NEBL: variants seen among roughly 807,000 people sequenced by gnomAD.
NEBL encodes nebulette.
In NEBL, 122 loss-of-function variants were observed where a neutral mutation model predicts 140.2. The ratio of observed to expected loss-of-function variants is 0.87; its 90% confidence interval spans 0.75 to 1.01. NEBL has a LOEUF of 1.01. Ranked by LOEUF, NEBL falls within the 50% of genes least tolerant of loss-of-function variation. The pLI, the probability that NEBL is intolerant of heterozygous loss-of-function variation, is 0.00. For synonymous variants in NEBL, 436 were observed against 398.9 expected (o/e 1.09, Z -1.11); for missense variants, 1,365 against 1,231.3 (o/e 1.11, Z -1.62).
chr10:20,785,951 T>C, intron 27 of NEBL, 28 bp from the exon 28 acceptor site: 2 of 1,606,016 alleles, frequency 1.2e-6, no homozygotes, highest in Non-Finnish European at 1.7e-6. Flanking sequence ...GATTATACGA[T>C]GAATGCCGAA....
rs2130788291 is a variant in NEBL at position 20,812,913 on chromosome 10, T to C, written c.2374A>G (p.Thr792Ala). The C allele has an allele frequency of 6.2e-7, 1 of 1,613,926 alleles. No homozygotes were observed. Among genetic ancestry groups the C allele is most frequent in the South Asian group, 1.1e-5 (1 of 91,074 alleles). ...MVKYHEDFEK[T>A]KGRGFTPVVD... Reference sequence around the variant, plus strand: ...ACGGGAGTAAAGCCTCTCCCCTTTGTTTTTTCAAAATCTTCATGGTATTTT... The same window carrying C: ...ACGGGAGTAAAGCCTCTCCCCTTTGCTTTTTCAAAATCTTCATGGTATTTT... The change falls in exon 24 of 28, where the codon ACA becomes GCA. Residue 792 changes from threonine to alanine, a missense_variant. By Grantham distance (58) the Thr-to-Ala change is moderately conservative. This residue lies in a region of NEBL where 1,323 missense variants were observed against 1,154.8 expected (regional missense o/e 1.15). Coordinates refer to ENST00000377122, the MANE Select transcript of NEBL (RefSeq NM_006393.3).
At chr10:21,057,361 T>C (rs1167888011) in intron 2 of NEBL, among the ~76,000 whole-genome samples, 2 of 151,808 alleles carry the variant, frequency 1.3e-5, no homozygotes, top group Non-Finnish European at 1.5e-5. Flanking sequence ...AAGCAAGATG[T>C]GGAAAACAGG....
intron 2 of NEBL, among the ~76,000 whole-genome samples, chr10:21,081,199 C>G (rs2131935559): frequency 6.6e-6 from 1 of 152,146 alleles, no homozygotes; most frequent in East Asian, 1.9e-4. Context: ...CAACAAACTG[C>G]AATCATGACT....
intron 4 of NEBL, among the ~76,000 whole-genome samples, chr10:20,957,726 C>T (rs1365172906): frequency 2.0e-5 from 3 of 152,150 alleles, no homozygotes; most frequent in Non-Finnish European, 4.4e-5. Context: ...TAATGGTACA[C>T]TCACCATTTC....
Position 20,942,974 on chromosome 10 carries a change from C to G in NEBL, c.357+18698G>C, listed in dbSNP as rs536941815. Among the ~76,000 whole-genome samples, 1,279 of 152,278 alleles carry G rather than the reference C, an allele frequency of 8.4e-3. 17 individuals carry two copies. The highest frequency in any genetic ancestry group is 0.03 in the African/African-American group (1,228 of 41,548). On this transcript the variant is annotated intron_variant, in intron 4 of 6. Transcript: ENST00000417816. ...GAGAGGATGTGGAGAAATAGGAACA[C>G]TTTTACACTGTTGGTGGGACTGTAA...
chr10:21,257,795 G>C (rs1842679068), intron 1 of NEBL, among the ~76,000 whole-genome samples: 2 of 152,070 alleles, frequency 1.3e-5, no homozygotes, highest in South Asian at 4.1e-4. Flanking sequence ...TGAGGCAGGA[G>C]AATGGCGTGA....
chr10:21,221,095 A>G (rs1842059887), intron 3 of NEBL, among the ~76,000 whole-genome samples: 2 of 152,162 alleles, frequency 1.3e-5, no homozygotes, highest in African/African-American at 4.8e-5. Context: ...TGGAAGCTTC[A>G]GAGAGCTATA....
Position 20,956,238 on chromosome 10 carries a change from A to C in NEBL, c.357+5434T>G, listed in dbSNP as rs143407130. 5.1e-3 allele frequency among the ~76,000 whole-genome samples: 772 copies of C among 152,334 alleles called. 9 individuals carry two copies. Among genetic ancestry groups the C allele is most frequent in the African/African-American group, 0.018 (732 of 41,578 alleles). On this transcript the variant is annotated intron_variant, in intron 4 of 6. Coordinates refer to the NEBL transcript ENST00000417816. ...TGAAAGTATAAGTAATCCTTATAGA[A>C]ATACTTTTCCCGAGGAGCGGTTGTT...
At chr10:20,802,864 GA>G (rs1345544638) in intron 26 of NEBL, among the ~76,000 whole-genome samples, 1 of 151,962 alleles carries the variant, frequency 6.6e-6, no homozygotes, top group African/African-American at 2.4e-5. Context: ...AGAAAAGAAA[GA>G]AAAAAAGTTT....
intron 2 of NEBL, among the ~76,000 whole-genome samples, chr10:21,120,272 G>A (rs948368276): frequency 6.7e-6 from 1 of 150,288 alleles, no homozygotes; most frequent in African/African-American, 2.5e-5. Flanking sequence ...CTACTCTGGA[G>A]GCTGAGATAG....
intron 2 of NEBL, among the ~76,000 whole-genome samples, chr10:21,038,265 A>G (rs977376737): frequency 6.6e-6 from 1 of 152,180 alleles, no homozygotes; most frequent in Non-Finnish European, 1.5e-5. Flanking sequence ...ACATAGGTAT[A>G]TATGTGCCAT....
At position 20,897,233 on chromosome 10, in the gene NEBL, T is replaced by C; in HGVS notation, c.-28A>G. On this transcript the variant is annotated 5_prime_UTR_variant, in exon 1 of 28. An upstream open reading frame in the 5' UTR loses its in-frame stop. Transcript: ENST00000377122. Reference sequence around the variant, plus strand: ...TTACCCTTTAAAATATTTATATTTTTAAAATTTACTCATGTGGCGTCCTTT... The same window carrying C: ...TTACCCTTTAAAATATTTATATTTTCAAAATTTACTCATGTGGCGTCCTTT... The C allele has an allele frequency of 6.5e-7, 1 of 1,538,936 alleles. No individual in the cohort carries two copies. The highest frequency in any genetic ancestry group is 8.7e-7 in the Non-Finnish European group (1 of 1,143,620).
intron 26 of NEBL, among the ~76,000 whole-genome samples, chr10:20,800,218 G>T (rs1456728632): frequency 1.4e-5 from 2 of 148,060 alleles, no homozygotes; most frequent in Admixed American, 6.9e-5. Context: ...GTGGGATCAT[G>T]CAATATTTTT....
chr10:21,230,935 C>T (rs1842241265), intron 3 of NEBL, among the ~76,000 whole-genome samples: 1 of 151,964 alleles, frequency 6.6e-6, no homozygotes, highest in African/African-American at 2.4e-5. Context: ...AAAAGGAACC[C>T]CCATGCCAGT....
At chr10:21,186,988 A>ATGTGTGTGTGTGTGTGTGTGTG (rs35359446) in intron 3 of NEBL, among the ~76,000 whole-genome samples, 1 of 141,890 alleles carries the variant, frequency 7.0e-6, no homozygotes, top group East Asian at 2.1e-4. Context: ...CCAACTCTGT[A>ATGTGTGTGTGTGTGTGTGTGTG]TGTGTGTGTG....
chr10:20,924,660 A>T (rs1043947183), intron 4 of NEBL, among the ~76,000 whole-genome samples: 41 of 151,026 alleles, frequency 2.7e-4, no homozygotes, highest in South Asian at 8.4e-4. Flanking sequence ...TTCTTTTTTT[A>T]AAAAAAAATA....
intron 3 of NEBL, among the ~76,000 whole-genome samples, chr10:21,195,020 G>A (rs937549583): frequency 2.0e-5 from 3 of 152,060 alleles, no homozygotes; most frequent in Admixed American, 6.6e-5. Flanking sequence ...ACTTGAACAC[G>A]AATGGGACAC....
chr10:20,887,468 G>C (rs1846634943), intron 4 of NEBL, among the ~76,000 whole-genome samples: 1 of 142,840 alleles, frequency 7.0e-6, no homozygotes, highest in Admixed American at 7.1e-5. Context: ...GCTCTAGTTG[G>C]AGTGCAGTGG....
intron 11 of NEBL, among the ~76,000 whole-genome samples, chr10:20,848,134 C>T (rs1166545106): frequency 6.6e-6 from 1 of 152,142 alleles, no homozygotes; most frequent in African/African-American, 2.4e-5. Context: ...AAAACAGGGA[C>T]ATTCATTGGG....
Sources: allele counts gnomAD v4.1 joint callset (sites outside exome capture counted in the v4.1 genomes callset), GRCh38; gene constraint gnomAD v4.1.1; regional missense constraint gnomAD v4.1.1; transcripts MANE v1.5; gene names NCBI Gene and HGNC (gene_info 2026-07-23, HGNC 2026-07-21).